NEMP1: variants seen among roughly 807,000 people sequenced by gnomAD.
The protein encoded by NEMP1 is transmembrane protein 194.
NEMP1 carries 29 observed loss-of-function variants against 53.7 expected under a neutral mutation model. The ratio of observed to expected loss-of-function variants is 0.54; its 90% CI spans 0.40 to 0.74. The LOEUF (loss-of-function observed/expected upper bound fraction) is 0.74. NEMP1 is among the 30% of genes least tolerant of loss of function. The pLI, the probability that NEMP1 is intolerant of heterozygous loss-of-function variation, is 0.00. For synonymous variants in NEMP1, 193 were observed against 192.9 expected, an observed-to-expected ratio of 1.00 and a Z score of 0.00; for missense variants, 477 against 528.6, an observed-to-expected ratio of 0.90 and a Z score of 0.96.
chr12:57,078,087 C>CG (rs1234453153), intron 1 of NEMP1, among the ~76,000 whole-genome samples: 3 of 151,978 alleles, frequency 2.0e-5, no homozygotes, highest in Non-Finnish European at 4.4e-5. Context: ...TCTCGCGGGC[C>CG]GGGGGCGGTA....
intron 1 of NEMP1, among the ~76,000 whole-genome samples, chr12:57,077,151 T>C (rs1274485685): frequency 6.6e-6 from 1 of 151,314 alleles, no homozygotes; most frequent in Admixed American, 6.6e-5. Flanking sequence ...GCTAACACGG[T>C]GAAACCCCCT....
chr12:57,071,828 A>G (rs1251323115), intron 2 of NEMP1, among the ~76,000 whole-genome samples: 1 of 152,046 alleles, frequency 6.6e-6, no homozygotes. Flanking sequence ...CCGTCTCAAA[A>G]AAAAAAAACA....
chr12:57,078,623 G>A lies in NEMP1; in HGVS notation c.123C>T (p.Gly41=), dbSNP rs776504229. The part of the protein sequence containing the change: ...LLILSGCLVY[G]TAETDVNVVM... ...CAGCTGCTGCCCGGGCGGTACCTGT[G>A]CCGTAGACCAAGCAGCCGGAGAGGA... Residue 41 remains glycine, a synonymous_variant, in exon 1 of 9, where the codon GGC becomes GGT. Transcript: ENST00000300128. The A allele has an allele frequency of 1.9e-6, 3 of 1,611,706 alleles. No individual in the cohort carries two copies. The highest frequency in any genetic ancestry group is 2.7e-5 in the African/African-American group (2 of 74,848).
chr12:57,086,478 A>C (rs1276780448), intron 1 of NEMP1, among the ~76,000 whole-genome samples: 3 of 151,596 alleles, frequency 2.0e-5, no homozygotes, highest in Non-Finnish European at 2.9e-5. Flanking sequence ...CCCATGCAGG[A>C]AACAAATGAA....
At chr12:57,063,875 T>C (rs1183488835) in intron 6 of NEMP1, among the ~76,000 whole-genome samples, 196 bp downstream of exon 6, 1 of 151,778 alleles carries the variant, frequency 6.6e-6, no homozygotes, top group Non-Finnish European at 1.5e-5. Flanking sequence ...ATCTTCGCCT[T>C]AACAGCACCA....
rs2031517140 is a variant in NEMP1, at chr12:57,056,254, C to G, written c.*3625G>C. The stretch of plus-strand genomic sequence containing the variant: ...CAAGGTAGTAACCATCTAGAATCAA[C>G]TCAATTGTAACCTGAATTCATAAGC... On this transcript the variant is annotated 3_prime_UTR_variant, in exon 9 of 9. Coordinates refer to ENST00000300128, the MANE Select transcript of NEMP1 (RefSeq NM_001130963.2). 1 of 152,108 alleles carries G rather than the reference C, an allele frequency of 6.6e-6. No homozygotes were observed. The highest frequency in any genetic ancestry group is 6.6e-5 in the Admixed American group (1 of 15,264). 9.4% of individuals were successfully genotyped at this position (152,108 alleles called of 1,614,324 possible).
At chr12:57,074,533 G>C (rs1196835074) in intron 1 of NEMP1, among the ~76,000 whole-genome samples, 1 of 149,528 alleles carries the variant, frequency 6.7e-6, no homozygotes, top group Non-Finnish European at 1.5e-5. Flanking sequence ...TAGAACTCCT[G>C]GCCTCAACTG....
At position 57,070,869 on chromosome 12, in the gene NEMP1, C is replaced by T; in HGVS notation, c.277G>A (p.Val93Ile). ...TCATTCTCCACCTGGGTGACTCGAA[C>T]CAATCTGGAACTATTTACTCGGATC... ...IQIRVNSSRL[V>I]RVTQVENEEK... is the part of the protein sequence containing the mutation. Residue 93 changes from valine (V) to isoleucine (I), a missense_variant, in exon 3 of 9, where the codon GTT becomes ATT. Transcript: ENST00000300128. 1 of 1,614,030 alleles carries T rather than the reference C, an allele frequency of 6.2e-7. No homozygotes were observed. The highest frequency in any genetic ancestry group is 8.5e-7 in the Non-Finnish European group (1 of 1,179,980).
intron 6 of NEMP1, 32 bp from the exon 7 acceptor site, chr12:57,063,376 T>C (rs770544118): frequency 1.3e-5 from 20 of 1,570,894 alleles, no homozygotes; most frequent in Admixed American, 1.7e-5. Flanking sequence ...GACATTCTTT[T>C]TCATCTATAC....
chr12:57,088,363 T>C (rs543831813), upstream of NEMP1, among the ~76,000 whole-genome samples: 36 of 152,266 alleles, frequency 2.4e-4, no homozygotes, highest in East Asian at 1.5e-3. Context: ...GATTATTCCA[T>C]TGGGGCTGAG....
intron 4 of NEMP1, 126 bp from the exon 5 acceptor site, chr12:57,064,865 G>T: frequency 1.6e-6 from 1 of 617,986 alleles, no homozygotes. Context: ...ACAAGCATCA[G>T]AGACATTTCA....
intron 1 of NEMP1, among the ~76,000 whole-genome samples, chr12:57,073,158 T>C (rs2032432220): frequency 6.6e-6 from 1 of 151,516 alleles, no homozygotes; most frequent in Admixed American, 6.6e-5. Flanking sequence ...CTATTAAGTA[T>C]CTATTTTTTT....
In NEMP1 at chr12:57,063,146, G is replaced by A; in HGVS notation, c.953C>T (p.Pro318Leu). The stretch of plus-strand genomic sequence containing the variant: ...GCAGGTGATGTACAGCCACTGAATA[G>A]GGTGTTCCAGGTTCTTAGTACAAAG... ...IALCTKNLEH[P>L]IQWLYITCRK... is the part of the protein sequence containing the mutation. Residue 318 changes from proline to leucine, a missense_variant, in exon 7 of 9, where the codon CCT (proline) becomes CTT (leucine). Pro to Leu is a moderately conservative substitution (Grantham distance 98, BLOSUM62 -3). Coordinates refer to ENST00000300128, the MANE Select transcript of NEMP1 (RefSeq NM_001130963.2). The A allele has an allele frequency of 1.2e-6, 2 of 1,613,960 alleles. No homozygotes were observed. The highest frequency in any genetic ancestry group is 3.3e-4 in the Middle Eastern group (2 of 6,062).
chr12:57,064,765 A>G, intron 4 of NEMP1, 26 bp from the exon 5 acceptor site: 1 of 1,546,860 alleles, frequency 6.5e-7, no homozygotes, highest in South Asian at 1.1e-5. Flanking sequence ...GTATTTCATG[A>G]CCATATGTAT....
intron 7 of NEMP1, among the ~76,000 whole-genome samples, chr12:57,062,755 A>G (rs2031877026): frequency 6.6e-6 from 1 of 151,228 alleles, no homozygotes; most frequent in Non-Finnish European, 1.5e-5. Flanking sequence ...GAGGCAGAAG[A>G]ATCGTTTGAA....
At chr12:57,087,685 G>C (rs1285343670) in intron 1 of NEMP1, among the ~76,000 whole-genome samples, 3 of 151,952 alleles carry the variant, frequency 2.0e-5, no homozygotes, top group African/African-American at 7.3e-5. Flanking sequence ...AGGTCTCCTC[G>C]CTAGGCCACA....
intron 4 of NEMP1, among the ~76,000 whole-genome samples, chr12:57,067,184 C>T (rs1304553782): frequency 6.6e-6 from 1 of 152,010 alleles, no homozygotes; most frequent in Non-Finnish European, 1.5e-5. Flanking sequence ...ATTAGCTGCA[C>T]GTGGTGGCAG....
intron 8 of NEMP1, among the ~76,000 whole-genome samples, chr12:57,060,396 G>A (rs1473643862): frequency 6.6e-6 from 1 of 152,088 alleles, no homozygotes; most frequent in Non-Finnish European, 1.5e-5. Flanking sequence ...CACGTTTATG[G>A]CCCTGTAAAC....
At position 57,056,200 on chromosome 12, in the gene NEMP1, C is replaced by T. The variant is rs1295960884; in HGVS notation, c.*3679G>A. 6.6e-6 allele frequency: 1 copy of T among 152,076 alleles called. No homozygotes were observed. The highest frequency in any genetic ancestry group is 1.9e-4 in the East Asian group (1 of 5,196). The allele number at this position is 152,076 out of a possible 1,614,324, so 9.4% of individuals were successfully genotyped here. ...TGTTTATTCCCAGCAGGCTCTGGCT[C>T]GTGTCACATAAGGCACCAACATCCT... On this transcript the variant is annotated 3_prime_UTR_variant, in exon 9 of 9. Coordinates refer to ENST00000300128, the MANE Select transcript of NEMP1 (RefSeq NM_001130963.2).
Sources: allele counts gnomAD v4.1 joint callset (sites outside exome capture counted in the v4.1 genomes callset), GRCh38; gene constraint gnomAD v4.1.1; transcripts MANE v1.5; gene names NCBI Gene and HGNC (gene_info 2026-07-23, HGNC 2026-07-21).